The following NRG3 variants were observed in gnomAD, a reference collection of about 807,000 sequenced individuals.
NRG3 encodes neuregulin 3.
Under a neutral mutation model 66.9 loss-of-function variants are expected in NRG3, and 31 were observed. That is an observed-to-expected ratio of 0.46 (90% CI 0.35 to 0.63). NRG3 has a LOEUF of 0.63. NRG3 is among the 20% of genes least tolerant of loss of function. NRG3 has a pLI of 0.00. For synonymous variants in NRG3, 393 were observed against 359.4 expected (o/e 1.09, Z -1.06); for missense variants, 910 against 878.9 (o/e 1.04, Z -0.45).
intron 1 of NRG3, among the ~76,000 whole-genome samples, chr10:82,009,691 A>G (rs1393761194): frequency 7.7e-6 from 1 of 130,344 alleles, no homozygotes; most frequent in African/African-American, 2.8e-5. Flanking sequence ...TTACATGGAA[A>G]TTGGGAGAAG....
At chr10:82,192,554 C>A (rs1364529049) in intron 1 of NRG3, among the ~76,000 whole-genome samples, 1 of 152,176 alleles carries the variant, frequency 6.6e-6, no homozygotes, top group Non-Finnish European at 1.5e-5. Context: ...TTGGTGTAAA[C>A]TCCAGGTAAA....
intron 2 of NRG3, among the ~76,000 whole-genome samples, chr10:82,445,350 T>G (rs1407634449): frequency 1.4e-4 from 21 of 152,196 alleles, no homozygotes; most frequent in Non-Finnish European, 8.8e-5. Context: ...CCTAAAGGCC[T>G]TGGCAATTAT....
chr10:82,660,214 A>AAAAAC (rs2052231936), intron 2 of NRG3, among the ~76,000 whole-genome samples: 3 of 141,914 alleles, frequency 2.1e-5, no homozygotes, highest in Non-Finnish European at 4.7e-5. Context: ...AAAAAAAAAA[A>AAAAAC]AAAAAAAAAA....
At chr10:82,424,682 C>A (rs75678617) in intron 2 of NRG3, among the ~76,000 whole-genome samples, 5,956 of 151,962 alleles carry the variant, frequency 0.039, 124 homozygotes, top group South Asian at 0.048. Context: ...TTGTTGCTGA[C>A]CTTTTGTTGT....
chr10:82,835,782 T>C (rs1249100462), intron 3 of NRG3, among the ~76,000 whole-genome samples: 1 of 152,138 alleles, frequency 6.6e-6, no homozygotes, highest in East Asian at 1.9e-4. Context: ...TTTCAAAGAT[T>C]TGCTTTGTTC....
At chr10:81,932,567 A>G (rs1847472013) in intron 1 of NRG3, among the ~76,000 whole-genome samples, 1 of 152,226 alleles carries the variant, frequency 6.6e-6, no homozygotes, top group African/African-American at 2.4e-5. Context: ...AATTAGCTCC[A>G]AAGCGATATT....
intron 3 of NRG3, among the ~76,000 whole-genome samples, chr10:82,746,613 G>A (rs918227882): frequency 2.0e-5 from 3 of 152,176 alleles, no homozygotes; most frequent in African/African-American, 7.2e-5. Context: ...CAGAGAGGGA[G>A]ATCAAGTGTT....
intron 1 of NRG3, among the ~76,000 whole-genome samples, chr10:82,152,282 A>G (rs969168218): frequency 6.6e-6 from 1 of 152,206 alleles, no homozygotes; most frequent in African/African-American, 2.4e-5. Context: ...ACATACTGGA[A>G]ACAGCTTCTC....
chr10:81,945,358 G>A (rs893545043), intron 1 of NRG3, among the ~76,000 whole-genome samples: 2 of 150,532 alleles, frequency 1.3e-5, no homozygotes, highest in East Asian at 2.0e-4. Flanking sequence ...CTTCCCCTGC[G>A]CTAGGCTGTA....
chr10:82,497,350 G>T (rs1033842454), intron 2 of NRG3, among the ~76,000 whole-genome samples: 2 of 152,128 alleles, frequency 1.3e-5, no homozygotes, highest in African/African-American at 2.4e-5. Flanking sequence ...TATACAAAAT[G>T]AGTTTTTGAA....
chr10:82,465,196 A>G (rs1840561919), intron 2 of NRG3, among the ~76,000 whole-genome samples: 1 of 152,244 alleles, frequency 6.6e-6, no homozygotes, highest in African/African-American at 2.4e-5. Context: ...CAGCCATGCT[A>G]GGATCTTAAT....
At chr10:82,830,249 C>T (rs2062449308) in intron 3 of NRG3, among the ~76,000 whole-genome samples, 1 of 152,172 alleles carries the variant, frequency 6.6e-6, no homozygotes, top group Non-Finnish European at 1.5e-5. Flanking sequence ...TCTTTGTTTA[C>T]AAGTCCATTT....
At chr10:82,391,034 A>G (rs1251449477) in intron 2 of NRG3, among the ~76,000 whole-genome samples, 1 of 152,216 alleles carries the variant, frequency 6.6e-6, no homozygotes, top group Non-Finnish European at 1.5e-5. Flanking sequence ...GTGGGTGTCT[A>G]TGTAATTACT....
chr10:81,879,322 G>A lies in NRG3; in HGVS notation c.823+3159G>A, dbSNP rs527638326. 9.8e-5 allele frequency among the ~76,000 whole-genome samples: 15 copies of A among 152,336 alleles called. No individual in the cohort carries two copies. In the South Asian group the frequency reaches 2.9e-3, roughly 29 times the overall value. On this transcript the variant is annotated intron_variant, in intron 1 of 8. Transcript: ENST00000372141. ...TTACAAGTTTTTCAAGCCAAAGGGA[G>A]GAGGTCACTACAGACAGTAGAAAAC...
intron 3 of NRG3, among the ~76,000 whole-genome samples, chr10:82,748,809 A>G (rs2058744777): frequency 6.6e-6 from 1 of 151,318 alleles, no homozygotes; most frequent in African/African-American, 2.4e-5. Context: ...ATACATAAAT[A>G]AATAATAAAA....
At chr10:82,548,067 G>T (rs1330124495) in intron 2 of NRG3, among the ~76,000 whole-genome samples, 13 of 145,974 alleles carry the variant, frequency 8.9e-5, no homozygotes, top group African/African-American at 3.3e-4. Context: ...TTAAATCATG[G>T]AAGGAATTCT....
intron 1 of NRG3, among the ~76,000 whole-genome samples, chr10:82,185,291 A>G (rs892043767): frequency 6.6e-6 from 1 of 152,196 alleles, no homozygotes; most frequent in African/African-American, 2.4e-5. Flanking sequence ...ATGCTAGACT[A>G]TCTGCCCAGT....
At chr10:82,410,534 C>A (rs988244687) in intron 2 of NRG3, among the ~76,000 whole-genome samples, 1 of 149,162 alleles carries the variant, frequency 6.7e-6, no homozygotes, top group African/African-American at 2.5e-5. Flanking sequence ...TTAGTGGTGG[C>A]TAAGGGGTGG....
intron 2 of NRG3, among the ~76,000 whole-genome samples, chr10:82,626,097 T>C (rs916348620): frequency 6.6e-6 from 1 of 152,114 alleles, no homozygotes; most frequent in Non-Finnish European, 1.5e-5. Context: ...TGATGAGACT[T>C]ACACTCAGGG....
Sources: gnomAD v4.1 joint callset for allele counts (sites outside exome capture counted in the v4.1 genomes callset) on GRCh38, gnomAD v4.1.1 for gene constraint, MANE v1.5 for transcripts, NCBI Gene and HGNC (gene_info 2026-07-23, HGNC 2026-07-21) for gene names.